CSTF3: variants seen among roughly 807,000 people sequenced by gnomAD.
CSTF3 encodes the protein CF-1 77 kDa subunit.
Under a neutral mutation model 105.8 loss-of-function variants are expected in CSTF3, and 29 were observed. The observed-to-expected ratio is 0.27, with a 90% CI of 0.20 to 0.37. The LOEUF (loss-of-function observed/expected upper bound fraction) is 0.37. Ranked by LOEUF, CSTF3 falls within the 10% of genes least tolerant of loss-of-function variation. CSTF3 has a pLI of 1.00. For synonymous variants in CSTF3, 252 were observed against 281.9 expected, an observed-to-expected ratio of 0.89 and a Z score of 1.06; for missense variants, 357 against 879.3, an observed-to-expected ratio of 0.41 and a Z score of 7.51.
chr11:33,146,104 G>A (rs112631328), intron 1 of CSTF3, among the ~76,000 whole-genome samples: 25 of 152,036 alleles, frequency 1.6e-4, no homozygotes, highest in African/African-American at 5.8e-4. Context: ...TGGGAGTGGT[G>A]GTGCACACCT....
Position 33,087,108 on chromosome 11 carries a change from G to A in CSTF3, c.1675C>T (p.Pro559Ser), listed in dbSNP as rs1266419939. 6.2e-7 allele frequency: 1 copy of A among 1,614,020 alleles called. No homozygotes were observed. Among genetic ancestry groups the A allele is most frequent in the African/African-American group, 1.3e-5 (1 of 74,910 alleles). ...ATAGAAGGAGCTACAACTGGGTCCG[G>A]AATTATAGCTGCTAGCTTAGCACGG... is the stretch of plus-strand genomic sequence containing the variant. ...VSRAKLAAII[P>S]DPVVAPSIVP... Residue 559 changes from proline (P) to serine (S), a missense_variant, in exon 18 of 21, where the codon CCG becomes TCG. Transcript: ENST00000323959.
intron 3 of CSTF3, among the ~76,000 whole-genome samples, chr11:33,135,275 T>G (rs1855641873): frequency 6.6e-6 from 1 of 152,180 alleles, no homozygotes; most frequent in Non-Finnish European, 1.5e-5. Flanking sequence ...ACATAGTAGA[T>G]GCTTCAAAGA....
intron 3 of CSTF3, among the ~76,000 whole-genome samples, chr11:33,108,791 A>G (rs1158645168): frequency 6.6e-6 from 1 of 152,206 alleles, no homozygotes; most frequent in African/African-American, 2.4e-5. Context: ...GAACAATCTG[A>G]GCGGCAAAAA....
intron 16 of CSTF3, 117 bp from the exon 17 acceptor site, chr11:33,090,844 T>G (rs1855162194): frequency 5.1e-6 from 3 of 583,722 alleles, no homozygotes; most frequent in South Asian, 7.9e-5. Flanking sequence ...AAGTGACTTT[T>G]TATTATAAAG....
intron 3 of CSTF3, among the ~76,000 whole-genome samples, chr11:33,111,748 T>C (rs1855381268): frequency 6.6e-6 from 1 of 152,208 alleles, no homozygotes; most frequent in South Asian, 2.1e-4. Flanking sequence ...AATTGGTAAA[T>C]TGGTATTAGC....
intron 16 of CSTF3, among the ~76,000 whole-genome samples, chr11:33,091,522 T>C (rs1855168455): frequency 6.6e-6 from 1 of 152,224 alleles, no homozygotes; most frequent in Non-Finnish European, 1.5e-5. Context: ...ATTTCCGCTG[T>C]ACCACTTGAC....
At chr11:33,154,565 T>C (rs1849835227) in intron 1 of CSTF3, among the ~76,000 whole-genome samples, 2 of 149,730 alleles carry the variant, frequency 1.3e-5, no homozygotes. Flanking sequence ...GGCTGTACCT[T>C]GGCTCACTGC....
intron 1 of CSTF3, among the ~76,000 whole-genome samples, chr11:33,154,491 C>T (rs11032179): frequency 0.077 from 4,706 of 60,814 alleles, 798 homozygotes; most frequent in South Asian, 0.14. Context: ...GTAAGACTTT[C>T]TTTTTTTTTT....
At chr11:33,160,263 T>A (rs1028495976) in intron 1 of CSTF3, among the ~76,000 whole-genome samples, 1 of 152,168 alleles carries the variant, frequency 6.6e-6, no homozygotes, top group Non-Finnish European at 1.5e-5. Context: ...ACTGCCGACA[T>A]AATGAAATCT....
chr11:33,154,113 G>C (rs931079141), intron 1 of CSTF3, among the ~76,000 whole-genome samples: 15 of 152,096 alleles, frequency 9.9e-5, no homozygotes, highest in Admixed American at 3.9e-4. Flanking sequence ...CTAACTCTGT[G>C]GTCTGCAAGC....
intron 3 of CSTF3, among the ~76,000 whole-genome samples, chr11:33,110,042 T>A (rs1855364468): frequency 6.6e-6 from 1 of 152,232 alleles, no homozygotes; most frequent in Non-Finnish European, 1.5e-5. Context: ...GCACTTTGAA[T>A]CCTGTGTTCA....
intron 3 of CSTF3, among the ~76,000 whole-genome samples, chr11:33,124,202 A>G (rs1855521777): frequency 6.6e-6 from 1 of 152,114 alleles, no homozygotes; most frequent in East Asian, 1.9e-4. Context: ...AAAGAAAACT[A>G]TCAACCTTAA....
rs769474687 is a variant in CSTF3 at position 33,085,143 on chromosome 11, C to T, written c.2098G>A (p.Val700Ile). 1.9e-5 allele frequency: 30 copies of T among 1,614,038 alleles called. No individual in the cohort carries two copies. The highest frequency in any genetic ancestry group is 6.7e-5 in the African/African-American group (5 of 74,914). Residue 700 changes from valine (V) to isoleucine (I), a missense_variant, in exon 21 of 21, where the codon GTT (valine) becomes ATT (isoleucine). Around this residue, in one of 4 missense-constraint regions of CSTF3, gnomAD observed 73 missense variants for 105.8 expected, o/e 0.69. Transcript: ENST00000323959. Reference protein sequence around the residue: ...DSDEDEEKGAVVPPVHDIYRA... With the variant: ...DSDEDEEKGAIVPPVHDIYRA... ...TAAATGTCATGAACAGGGGGGACAA[C>T]GGCTCCCTTTTCTTCATCTTCATCT...
At chr11:33,139,118 CTGA>C (rs1177338086) in intron 3 of CSTF3, among the ~76,000 whole-genome samples, 1 of 151,816 alleles carries the variant, frequency 6.6e-6, no homozygotes, top group Non-Finnish European at 1.5e-5. Flanking sequence ...TCATTTCCAA[CTGA>C]TGTTTCAAAT....
chr11:33,115,308 A>C (rs185364798), intron 3 of CSTF3, among the ~76,000 whole-genome samples: 2 of 152,310 alleles, frequency 1.3e-5, no homozygotes, highest in Admixed American at 1.3e-4. Flanking sequence ...TCTCCTGTTC[A>C]TTTACTTTTT....
At chr11:33,097,127 G>T in intron 13 of CSTF3, 149 bp from the exon 14 acceptor site, 1 of 548,548 alleles carries the variant, frequency 1.8e-6, no homozygotes, top group Non-Finnish European at 3.0e-6. Flanking sequence ...TGGTATTAGA[G>T]ATGCATGCAA....
intron 3 of CSTF3, among the ~76,000 whole-genome samples, chr11:33,111,471 AAAAT>A (rs1855378596): frequency 1.3e-5 from 2 of 152,026 alleles, no homozygotes; most frequent in African/African-American, 2.4e-5. Flanking sequence ...CTATCTTTAT[AAAAT>A]AAATAAAAAT....
intron 1 of CSTF3, among the ~76,000 whole-genome samples, chr11:33,143,805 A>G (rs1855744213): frequency 6.6e-6 from 1 of 151,542 alleles, no homozygotes; most frequent in Non-Finnish European, 1.5e-5. Flanking sequence ...CCTGGCTAAC[A>G]TGGTGAAACC....
chr11:33,150,159 G>A (rs570320315), intron 1 of CSTF3, among the ~76,000 whole-genome samples: 1 of 148,416 alleles, frequency 6.7e-6, no homozygotes. Flanking sequence ...AGGTTGCAGT[G>A]AGCCAAGATC....
Sources: allele counts gnomAD v4.1 joint callset (sites outside exome capture counted in the v4.1 genomes callset), GRCh38; gene constraint gnomAD v4.1.1; regional missense constraint gnomAD v4.1.1; transcripts MANE v1.5; gene names NCBI Gene and HGNC (gene_info 2026-07-23, HGNC 2026-07-21).